AKR1C3: variants seen among roughly 807,000 people sequenced by gnomAD.
AKR1C3 encodes the protein 3-alpha hydroxysteroid dehydrogenase, type II.
AKR1C3 carries 48 observed loss-of-function variants against 43.6 expected under a neutral mutation model. The observed-to-expected ratio is 1.10, with a 90% CI of 0.87 to 1.40. The LOEUF (loss-of-function observed/expected upper bound fraction) is 1.40, where lower values mean the gene tolerates loss of function less well. Ranked by LOEUF, AKR1C3 falls within the 40% of genes most tolerant of loss-of-function variation. The probability of loss-of-function intolerance (pLI) is 0.00; values close to 1 mark genes in which losing one functional copy is unlikely to be tolerated. For synonymous variants in AKR1C3, 162 were observed against 139.6 expected (o/e 1.16, Z -1.13); for missense variants, 482 against 391.2 (o/e 1.23, Z -1.96).
chr10:5,059,569 C>T (rs782458027), intron 1 of AKR1C3, among the ~76,000 whole-genome samples: 1 of 152,162 alleles, frequency 6.6e-6, no homozygotes, highest in African/African-American at 2.4e-5. Context: ...TCCGAAGAGT[C>T]GGGGGTTGTT....
intron 6 of AKR1C3, 136 bp downstream of exon 6, chr10:5,102,346 T>C (rs1222486598): frequency 5.0e-5 from 80 of 1,598,376 alleles, no homozygotes; most frequent in Middle Eastern, 3.9e-4. Flanking sequence ...TGACGAGATC[T>C]TGGATGATGC....
At chr10:5,049,646 T>G (rs1554778758) in intron 1 of AKR1C3, among the ~76,000 whole-genome samples, 72 of 152,234 alleles carry the variant, frequency 4.7e-4, no homozygotes, top group Non-Finnish European at 1.5e-5. Flanking sequence ...AGAAAACTTG[T>G]ATTCCAAGAC....
At chr10:5,061,792 A>G (rs1838389204) in intron 1 of AKR1C3, among the ~76,000 whole-genome samples, 1 of 152,170 alleles carries the variant, frequency 6.6e-6, no homozygotes, top group South Asian at 2.1e-4. Context: ...CCAGAAATAT[A>G]CTATTAATTT....
chr10:5,055,464 A>G (rs782424061), intron 1 of AKR1C3, among the ~76,000 whole-genome samples: 6 of 152,190 alleles, frequency 3.9e-5, no homozygotes, highest in Admixed American at 6.5e-5. Context: ...CTAGTATGCC[A>G]TTTACATCAT....
rs1588356783 is a variant in AKR1C3 at position 5,099,569 on chromosome 10, C to A, written c.570+120C>A. The A allele has an allele frequency of 2.6e-6, 4 of 1,515,274 alleles. No homozygotes were observed. In the East Asian group the frequency reaches 6.8e-5, roughly 26 times the overall value. 93.9% of individuals were successfully genotyped at this position (1,515,274 alleles called of 1,614,324 possible). A position where few individuals can be genotyped will look rare whatever the true frequency, so the allele number is the denominator to read the frequency against. On this transcript the variant is annotated intron_variant, in intron 5 of 8. Coordinates refer to ENST00000380554, the MANE Select transcript of AKR1C3 (RefSeq NM_003739.6). ...GTGAAGTAGAAGATTATCTAGAGAG[C>A]AAAGCTTCTGTCAAGAAAGGCGTGA...
intron 1 of AKR1C3, among the ~76,000 whole-genome samples, chr10:5,055,158 G>C (rs559997514): frequency 9.8e-5 from 15 of 152,330 alleles, no homozygotes; most frequent in Non-Finnish European, 1.6e-4. Context: ...TTCAAATATG[G>C]TTACATCTCT....
chr10:5,051,603 A>G (rs1163787579), intron 1 of AKR1C3, among the ~76,000 whole-genome samples: 1 of 152,226 alleles, frequency 6.6e-6, no homozygotes, highest in African/African-American at 2.4e-5. Flanking sequence ...TGCAGTTCAT[A>G]TCACGCATTA....
intron 1 of AKR1C3, among the ~76,000 whole-genome samples, chr10:5,067,527 C>T (rs1838532937): frequency 6.6e-6 from 1 of 152,084 alleles, no homozygotes. Context: ...CAATTGAAAG[C>T]TTTTTTTACC....
rs537619620 is a variant in AKR1C3, at chr10:5,058,686, T to G, written c.84+9791T>G. On this transcript the variant is annotated intron_variant, in intron 1 of 8. Transcript: ENST00000439082. ...GCAATGGTCCGTGGACCCTGCTGGTTGGAATACTTGCGCTCACCGACGCAG... is the reference window on the plus strand; with the variant it reads ...GCAATGGTCCGTGGACCCTGCTGGTGGGAATACTTGCGCTCACCGACGCAG... Among the ~76,000 whole-genome samples, 21 of 152,318 alleles carry G rather than the reference T, an allele frequency of 1.4e-4. No homozygotes were observed. In the South Asian group the frequency reaches 3.9e-3, roughly 29 times the overall value.
In AKR1C3 at chr10:5,081,650, G is replaced by A. The variant is rs1374609336; in HGVS notation, c.85-14760G>A. The A allele has an allele frequency of 4.6e-5, 7 of 152,168 alleles. 1 individual carries two copies. Among genetic ancestry groups the A allele is most frequent in the Admixed American group, 3.9e-4 (6 of 15,276 alleles). The allele number at this position is 152,168 out of a possible 1,614,324, so 9.4% of individuals were successfully genotyped here. A position where few individuals can be genotyped will look rare whatever the true frequency, so the allele number is the denominator to read the frequency against. ...CCAACTAAGCAAAATCCTGAATATT[G>A]TTCACTAATCCTGATTCTGCCTCCT... On this transcript the variant is annotated intron_variant, in intron 1 of 8. Coordinates refer to the AKR1C3 transcript ENST00000439082.
chr10:5,090,082 G>A (rs540764587), upstream of AKR1C3, among the ~76,000 whole-genome samples: 6 of 152,182 alleles, frequency 3.9e-5, no homozygotes, highest in Admixed American at 2.0e-4. Context: ...AGCCAGCTGT[G>A]CCAAAGCAGA....
chr10:5,093,045 T>C (rs1173099426), upstream of AKR1C3, among the ~76,000 whole-genome samples: 3 of 152,096 alleles, frequency 2.0e-5, no homozygotes, highest in Non-Finnish European at 2.9e-5. Context: ...CTGCCTGGAC[T>C]GTGTGTGCCC....
chr10:5,050,738 T>C (rs1437710728), intron 1 of AKR1C3, among the ~76,000 whole-genome samples: 1 of 152,254 alleles, frequency 6.6e-6, no homozygotes, highest in Non-Finnish European at 1.5e-5. Context: ...CCCTTTATTT[T>C]TTGTGCTATT....
intron 1 of AKR1C3, among the ~76,000 whole-genome samples, chr10:5,068,470 C>T (rs1363515911): frequency 6.7e-6 from 1 of 149,590 alleles, no homozygotes; most frequent in Non-Finnish European, 1.5e-5. Context: ...AAAATGATGA[C>T]TCAGAAATTT....
chr10:5,101,572 C>T (rs1168940284), intron 5 of AKR1C3, among the ~76,000 whole-genome samples: 12 of 152,164 alleles, frequency 7.9e-5, no homozygotes, highest in African/African-American at 2.9e-4. Context: ...GATTATCTCA[C>T]TCATTACTCT....
chr10:5,091,028 A>G (rs1169478461), upstream of AKR1C3, among the ~76,000 whole-genome samples: 1 of 152,094 alleles, frequency 6.6e-6, no homozygotes, highest in Non-Finnish European at 1.5e-5. Context: ...TGCATTCAAT[A>G]AAGTGTAGGA....
intron 1 of AKR1C3, among the ~76,000 whole-genome samples, chr10:5,058,628 G>A (rs547768686): frequency 3.9e-5 from 6 of 152,242 alleles, no homozygotes; most frequent in African/African-American, 2.4e-5. Context: ...GCTCACCAAC[G>A]CAGCAGTGGA....
In AKR1C3 at chr10:5,105,636, A is replaced by G. The variant is rs1839481961; in HGVS notation, c.888A>G (p.Ile296Met). The change falls in exon 8 of 9, where the codon ATA (isoleucine) becomes ATG (methionine). Residue 296 changes from isoleucine (I) to methionine (M), a missense_variant. By Grantham distance (10) the Ile-to-Met change is conservative. Coordinates refer to ENST00000380554, the MANE Select transcript of AKR1C3 (RefSeq NM_003739.6). ...FQLTAEDMKA[I>M]DGLDRNLHYF... Reference sequence around the variant, plus strand: ...TGACTGCAGAGGACATGAAAGCCATAGATGGCCTAGACAGAAATCTCCACT... The same window carrying G: ...TGACTGCAGAGGACATGAAAGCCATGGATGGCCTAGACAGAAATCTCCACT... 1 of 1,613,942 alleles carries G rather than the reference A, an allele frequency of 6.2e-7. No homozygotes were observed. The highest frequency in any genetic ancestry group is 8.5e-7 in the Non-Finnish European group (1 of 1,179,938).
chr10:5,056,025 T>G (rs1838254191), intron 1 of AKR1C3, among the ~76,000 whole-genome samples: 1 of 152,196 alleles, frequency 6.6e-6, no homozygotes, highest in Non-Finnish European at 1.5e-5. Flanking sequence ...AAGCTGGGCC[T>G]TCAACCTAGA....
Sources: gnomAD v4.1 joint callset for allele counts (sites outside exome capture counted in the v4.1 genomes callset) on GRCh38, gnomAD v4.1.1 for gene constraint, MANE v1.5 for transcripts, NCBI Gene and HGNC (gene_info 2026-07-23, HGNC 2026-07-21) for gene names.